Variants in FAM149B1 observed in about 807,000 individuals in gnomAD.
FAM149B1 encodes the protein family with sequence similarity 149 member B1.
Under a neutral mutation model 75.3 loss-of-function variants are expected in FAM149B1, and 56 were observed. That is an observed-to-expected ratio of 0.74 (90% CI 0.60 to 0.93). The LOEUF (loss-of-function observed/expected upper bound fraction) is 0.93. Among genes scored for constraint, FAM149B1 ranks in the 40% least tolerant of loss-of-function variants. The pLI, the probability that FAM149B1 is intolerant of heterozygous loss-of-function variation, is 0.00. For synonymous variants in FAM149B1, 259 were observed against 256.1 expected (o/e 1.01, Z -0.11); for missense variants, 639 against 708.4 (o/e 0.90, Z 1.11).
At chr10:73,174,486 T>A (rs557515782) in intron 1 of FAM149B1, among the ~76,000 whole-genome samples, 3 of 152,210 alleles carry the variant, frequency 2.0e-5, no homozygotes, top group Non-Finnish European at 4.4e-5. Context: ...ATAAATGAAG[T>A]ATTGCAAATT....
At chr10:73,235,101 C>T (rs2133409668) in intron 11 of FAM149B1, 92 bp from the exon 12 acceptor site, 2 of 1,462,196 alleles carry the variant, frequency 1.4e-6, no homozygotes, top group Non-Finnish European at 1.9e-6. Flanking sequence ...TTGGCCTGCA[C>T]TTACCATATC....
intron 5 of FAM149B1, among the ~76,000 whole-genome samples, chr10:73,207,227 C>T (rs2043085520): frequency 6.6e-6 from 1 of 152,130 alleles, no homozygotes; most frequent in Non-Finnish European, 1.5e-5. Context: ...ATCTTCCAGA[C>T]CCCAGAATGA....
At chr10:73,229,684 G>C (rs1219114101) in intron 8 of FAM149B1, among the ~76,000 whole-genome samples, 2 of 152,240 alleles carry the variant, frequency 1.3e-5, no homozygotes, top group Non-Finnish European at 2.9e-5. Flanking sequence ...TGTTGAACTG[G>C]TGTGGCCGTG....
intron 12 of FAM149B1, 183 bp from the exon 13 acceptor site, chr10:73,239,129 G>T: frequency 1.9e-6 from 1 of 526,838 alleles, no homozygotes; most frequent in South Asian, 2.9e-5. Context: ...ATGGCTTTGT[G>T]GGCATCTGGC....
chr10:73,236,721 TTTTC>T (rs1161008620), intron 12 of FAM149B1, among the ~76,000 whole-genome samples: 2 of 147,552 alleles, frequency 1.4e-5, no homozygotes, highest in Non-Finnish European at 3.0e-5. Context: ...CTTTTTTTTC[TTTTC>T]TTTTTTTTTT....
intron 7 of FAM149B1, among the ~76,000 whole-genome samples, chr10:73,226,709 A>G (rs540111722): frequency 5.8e-4 from 89 of 152,346 alleles, no homozygotes; most frequent in Admixed American, 5.9e-4. Context: ...AGTTCCTGTA[A>G]TATTTAAGAG....
chr10:73,221,629 A>G (rs903557401), intron 7 of FAM149B1, among the ~76,000 whole-genome samples: 4 of 151,456 alleles, frequency 2.6e-5, no homozygotes, highest in Non-Finnish European at 5.9e-5. Flanking sequence ...AGTTTTCCCC[A>G]TGTTTCTTCT....
At chr10:73,176,240 C>G (rs1391704178) in intron 2 of FAM149B1, among the ~76,000 whole-genome samples, 1 of 152,106 alleles carries the variant, frequency 6.6e-6, no homozygotes, top group Non-Finnish European at 1.5e-5. Context: ...CACCACTGAT[C>G]TGACAGAAGG....
At chr10:73,171,526 C>CAAAAAATTTCTATATT (rs1843714945) in intron 1 of FAM149B1, among the ~76,000 whole-genome samples, 3 of 152,008 alleles carry the variant, frequency 2.0e-5, no homozygotes, top group African/African-American at 4.8e-5. Context: ...AAATTTCAAA[C>CAAAAAATTTCTATATT]ATAAACATAT....
chr10:73,230,049 TAA>T (rs1308981461), intron 8 of FAM149B1, among the ~76,000 whole-genome samples: 1 of 152,196 alleles, frequency 6.6e-6, no homozygotes, highest in African/African-American at 2.4e-5. Context: ...TGAAAGAGAT[TAA>T]GTTACAGTTT....
chr10:73,174,120 A>G (rs1843836311), intron 1 of FAM149B1, among the ~76,000 whole-genome samples: 1 of 152,204 alleles, frequency 6.6e-6, no homozygotes, highest in Admixed American at 6.5e-5. Flanking sequence ...AGCTGCTGTG[A>G]ACATTTGTAT....
chr10:73,169,345 TAA>T (rs983054246), intron 1 of FAM149B1, among the ~76,000 whole-genome samples: 54 of 150,782 alleles, frequency 3.6e-4, no homozygotes, highest in African/African-American at 1.2e-3. Context: ...AAATAAATAA[TAA>T]AAAAATAAAA....
At chr10:73,208,531 A>G in intron 5 of FAM149B1, 88 bp from the exon 6 acceptor site, 1 of 835,256 alleles carries the variant, frequency 1.2e-6, no homozygotes, top group Non-Finnish European at 1.8e-6. Flanking sequence ...GGGCAAGGGG[A>G]GTTTGAGCCA....
At chr10:73,220,128 A>G (rs1164179598) in intron 7 of FAM149B1, among the ~76,000 whole-genome samples, 1 of 152,098 alleles carries the variant, frequency 6.6e-6, no homozygotes, top group South Asian at 2.1e-4. Flanking sequence ...CCAATGGTCA[A>G]TAAGCACATG....
chr10:73,215,271 T>C (rs2043271405), intron 7 of FAM149B1, among the ~76,000 whole-genome samples: 1 of 152,198 alleles, frequency 6.6e-6, no homozygotes, highest in Admixed American at 6.6e-5. Flanking sequence ...TCTGCCCACC[T>C]TGGCCTCCCT....
chr10:73,200,388 A>AT lies in FAM149B1; in HGVS notation c.542+6797dup. 5.4e-6 allele frequency: 3 copies of AT among 553,980 alleles called. No individual in the cohort carries two copies. The Admixed American group carries it at 7.0e-5, about 13-fold the overall frequency. The allele number at this position is 553,980 out of a possible 1,614,324, so 34.3% of individuals were successfully genotyped here. On this transcript the variant is annotated intron_variant, in intron 5 of 13. Transcript: ENST00000242505. Reference sequence around the variant, plus strand: ...CAAAAGGTGATTCTGGCACTTGGAGATTATATGGGAGCAACCTGTCATGCC... The same window carrying AT: ...CAAAAGGTGATTCTGGCACTTGGAGATTTATATGGGAGCAACCTGTCATGCC...
chr10:73,216,490 T>C (rs2043302573), intron 7 of FAM149B1, among the ~76,000 whole-genome samples: 1 of 122,658 alleles, frequency 8.2e-6, no homozygotes, highest in South Asian at 3.5e-4. Context: ...CTGTCTTTTG[T>C]CTTTGTGGTT....
chr10:73,208,922 G>C, intron 6 of FAM149B1, 136 bp downstream of exon 6: 1 of 546,160 alleles, frequency 1.8e-6, no homozygotes, highest in Admixed American at 4.2e-5. Flanking sequence ...TTATTTCTCA[G>C]GTATCCAGAA....
chr10:73,199,687 AAATG>A (rs2042889254), intron 5 of FAM149B1: 1 of 152,274 alleles, frequency 6.6e-6, no homozygotes, highest in African/African-American at 2.4e-5. Flanking sequence ...TTTGTTAAAT[AAATG>A]AATTACAGAC....
Sources: allele counts gnomAD v4.1 joint callset (sites outside exome capture counted in the v4.1 genomes callset), GRCh38; gene constraint gnomAD v4.1.1; transcripts MANE v1.5; gene names NCBI Gene and HGNC (gene_info 2026-07-23, HGNC 2026-07-21).